The following AASS variants were observed in gnomAD, a reference collection of about 807,000 sequenced individuals.
The protein encoded by AASS is aminoadipate-semialdehyde synthase, also known as alpha-aminoadipic semialdehyde synthase, mitochondrial.
Under a neutral mutation model 105.4 loss-of-function variants are expected in AASS, and 86 were observed. That is an observed-to-expected ratio of 0.82 (90% CI 0.69 to 0.98). The LOEUF is 0.98. Ranked by LOEUF, AASS falls within the 50% of genes least tolerant of loss-of-function variation. The probability of loss-of-function intolerance (pLI) is 0.00; values close to 1 mark genes in which losing one functional copy is unlikely to be tolerated. For missense variants in AASS, 1,048 were observed against 1,143.2 expected (o/e 0.92, Z 1.20); for synonymous variants, 381 against 394.8 (o/e 0.96, Z 0.41).
At chr7:122,102,251 A>G (rs1222438715) in intron 11 of AASS, among the ~76,000 whole-genome samples, 1 of 151,990 alleles carries the variant, frequency 6.6e-6, no homozygotes, top group Non-Finnish European at 1.5e-5. Flanking sequence ...TCTTCACATT[A>G]TCTTGCAAAA....
intron 21 of AASS, 186 bp from the exon 22 acceptor site, chr7:122,079,136 T>C: frequency 2.0e-6 from 3 of 1,487,530 alleles, no homozygotes; most frequent in Non-Finnish European, 2.7e-6. Flanking sequence ...TTCAGAATCT[T>C]CTCCAGACTC....
chr7:122,097,785 T>C (rs573885259), intron 15 of AASS, among the ~76,000 whole-genome samples: 22 of 152,104 alleles, frequency 1.4e-4, no homozygotes, highest in African/African-American at 3.6e-4. Context: ...CTTAAGTATA[T>C]AAAACATTAA....
At chr7:122,077,655 A>G (rs889693891) in intron 23 of AASS, among the ~76,000 whole-genome samples, 183 bp downstream of exon 23, 1 of 152,194 alleles carries the variant, frequency 6.6e-6, no homozygotes, top group Non-Finnish European at 1.5e-5. Flanking sequence ...GTCTATCTCC[A>G]AAGCCCACAT....
At chr7:122,113,306 A>G (rs1431972393) in intron 10 of AASS, 77 bp from the exon 11 acceptor site, 2 of 1,265,558 alleles carry the variant, frequency 1.6e-6, no homozygotes, top group Non-Finnish European at 1.1e-6. Context: ...TGTCTACTCC[A>G]CTATATTTGC....
At chr7:122,102,479 G>A (rs1794477782) in intron 11 of AASS, among the ~76,000 whole-genome samples, 1 of 151,966 alleles carries the variant, frequency 6.6e-6, no homozygotes, top group Non-Finnish European at 1.5e-5. Flanking sequence ...GGACAGGGAA[G>A]AGCCAATGAG....
chr7:122,078,005 T>A lies in AASS; in HGVS notation c.2495A>T (p.Glu832Val). ...GTCTCTCATCACAATCATATCTTTT[T>A]CTTCAGGACCTTAAAACAAATAAAG... is the stretch of plus-strand genomic sequence containing the variant. ...LVMKLSYGPE[E>V]KDMIVMRDSF... The change falls in exon 23 of 24, where the codon GAA becomes GTA. Residue 832 changes from glutamate (E) to valine (V), a missense_variant. Coordinates refer to ENST00000417368, the MANE Select transcript of AASS (RefSeq NM_005763.4). 1 of 1,614,088 alleles carries A rather than the reference T, an allele frequency of 6.2e-7. No homozygotes were observed. Among genetic ancestry groups the A allele is most frequent in the Non-Finnish European group, 8.5e-7 (1 of 1,179,932 alleles).
At position 122,077,913 on chromosome 7, in the gene AASS, C is replaced by A; in HGVS notation, c.2587G>T (p.Asp863Tyr). 1.2e-6 allele frequency: 2 copies of A among 1,614,166 alleles called. No homozygotes were observed. The highest frequency in any genetic ancestry group is 1.7e-6 in the Non-Finnish European group (2 of 1,180,014). Residue 863 changes from aspartate to tyrosine, a missense_variant, in exon 23 of 24, where the codon GAC becomes TAC. Transcript: ENST00000417368. ...HKTIDLVAYG[D>Y]INGFSAMAKT... ...GCCATGGCTGAAAAGCCATTGATGT[C>A]CCCATAAGCCACAAGATCAATCGTT... is the stretch of plus-strand genomic sequence containing the variant.
At chr7:122,096,182 T>G (rs951708260) in intron 15 of AASS, among the ~76,000 whole-genome samples, 4 of 152,170 alleles carry the variant, frequency 2.6e-5, no homozygotes, top group African/African-American at 9.6e-5. Flanking sequence ...TGAAATCAAT[T>G]ACTACTTTGT....
intron 11 of AASS, among the ~76,000 whole-genome samples, chr7:122,102,729 C>A (rs969014448): frequency 2.6e-5 from 4 of 151,972 alleles, no homozygotes; most frequent in African/African-American, 9.7e-5. Flanking sequence ...TTCTCCTAAC[C>A]TTTACCCTTG....
rs1795111218 is a variant in AASS at position 122,115,218 on chromosome 7, G to T, written c.899C>A (p.Ala300Glu). 6.2e-7 allele frequency: 1 copy of T among 1,613,966 alleles called. No homozygotes were observed. Among genetic ancestry groups the T allele is most frequent in the South Asian group, 1.1e-5 (1 of 91,090 alleles). ...RYISRFNTDI[A>E]PYTTCLINGI... Reference sequence around the variant, plus strand: ...ATTAATTAAGCAAGTTGTATAGGGTGCAATCTGTAATGCAAGTTCCAGGTT... The same window carrying T: ...ATTAATTAAGCAAGTTGTATAGGGTTCAATCTGTAATGCAAGTTCCAGGTT... Residue 300 changes from alanine (A) to glutamate (E), a missense_variant, in exon 9 of 24, where the codon GCA becomes GAA. Coordinates refer to ENST00000417368, the MANE Select transcript of AASS (RefSeq NM_005763.4).
intron 6 of AASS, among the ~76,000 whole-genome samples, chr7:122,118,098 C>CAT (rs574271982): frequency 6.6e-6 from 1 of 152,014 alleles, no homozygotes; most frequent in Non-Finnish European, 1.5e-5. Flanking sequence ...TACACACACA[C>CAT]ATATATATAC....
intron 1 of AASS, among the ~76,000 whole-genome samples, chr7:122,143,401 C>G (rs1796491128): frequency 6.6e-6 from 1 of 150,526 alleles, no homozygotes. Context: ...ATTTCTTCTT[C>G]TGAAGCTGTC....
At chr7:122,139,647 C>A (rs983689362) in intron 1 of AASS, among the ~76,000 whole-genome samples, 1 of 152,014 alleles carries the variant, frequency 6.6e-6, no homozygotes, top group Admixed American at 6.5e-5. Flanking sequence ...ACTTTTCAGG[C>A]AATATTTATG....
intron 4 of AASS, among the ~76,000 whole-genome samples, chr7:122,118,896 C>G (rs866729494): frequency 8.5e-5 from 13 of 152,176 alleles, no homozygotes; most frequent in Admixed American, 2.0e-4. Flanking sequence ...GCTAATCTCT[C>G]CACCTTGGCT....
intron 22 of AASS, among the ~76,000 whole-genome samples, chr7:122,078,532 AACCTGGG>A (rs148276953): frequency 0.099 from 15,067 of 152,060 alleles, 858 homozygotes; most frequent in East Asian, 0.15. Flanking sequence ...GAATCTCTTG[AACCTGGG>A]AGGCAGAGGT....
At chr7:122,081,821 A>G (rs1793344403) in intron 19 of AASS, 3 of 519,064 alleles carry the variant, frequency 5.8e-6, no homozygotes, top group Non-Finnish European at 1.0e-5. Context: ...TATAGATACA[A>G]CCAATTTCAA....
chr7:122,102,397 T>G (rs1794474573), intron 11 of AASS, among the ~76,000 whole-genome samples: 1 of 151,938 alleles, frequency 6.6e-6, no homozygotes, highest in South Asian at 2.1e-4. Context: ...AGTTAGTCCT[T>G]CTCAAAGAAC....
chr7:122,098,915 A>G, intron 13 of AASS, 49 bp from the exon 14 acceptor site: 1 of 1,510,044 alleles, frequency 6.6e-7, no homozygotes, highest in Non-Finnish European at 8.8e-7. Context: ...GCTAATTAAA[A>G]ATTTTTTTTT....
chr7:122,085,890 T>A, intron 19 of AASS, 122 bp downstream of exon 19: 1 of 1,090,846 alleles, frequency 9.2e-7, no homozygotes, highest in Non-Finnish European at 1.4e-6. Flanking sequence ...ATAAGATTCC[T>A]GAAAAAATAG....
Sources: allele counts gnomAD v4.1 joint callset (sites outside exome capture counted in the v4.1 genomes callset), GRCh38; gene constraint gnomAD v4.1.1; transcripts MANE v1.5; gene names NCBI Gene and HGNC (gene_info 2026-07-23, HGNC 2026-07-21).